The following WDR93 variants were observed in gnomAD, a reference collection of about 807,000 sequenced individuals.
WDR93 encodes WD repeat-containing protein 93.
A neutral mutation model predicts 82.9 loss-of-function variants in WDR93; 73 were observed. That is an observed-to-expected ratio of 0.88 (90% CI 0.73 to 1.07). WDR93 has a LOEUF of 1.07. WDR93 is among the 50% of genes least tolerant of loss of function. WDR93 has a pLI of 0.00. For synonymous variants in WDR93, 283 were observed against 300.1 expected (o/e 0.94, Z 0.59); for missense variants, 738 against 826.0 (o/e 0.89, Z 1.31).
intron 7 of WDR93, among the ~76,000 whole-genome samples, chr15:89,721,742 A>G (rs1966536659): frequency 6.7e-6 from 1 of 149,056 alleles, no homozygotes; most frequent in South Asian, 2.1e-4. Flanking sequence ...TTCCCACTTC[A>G]GCCTCCAGAG....
intron 7 of WDR93, 96 bp downstream of exon 7, chr15:89,717,045 CTTTTTTTT>C (rs11457156): frequency 4.7e-5 from 8 of 170,836 alleles, no homozygotes; most frequent in East Asian, 1.1e-4. Context: ...CTTTTTCTTT[CTTTTTTTT>C]TTTTTTTTTT....
Position 89,743,465 on chromosome 15 carries a change from A to G in WDR93, c.*74A>G. Reference sequence around the variant, plus strand: ...CAGCTGCTCCCAGGACACTGAGGCCAAGAGAAATGTAACAGAGCCACAGCT... The same window carrying G: ...CAGCTGCTCCCAGGACACTGAGGCCGAGAGAAATGTAACAGAGCCACAGCT... On this transcript the variant is annotated 3_prime_UTR_variant, in exon 17 of 17. Coordinates refer to ENST00000268130, the MANE Select transcript of WDR93 (RefSeq NM_020212.2). 7.0e-7 allele frequency: 1 copy of G among 1,436,436 alleles called. No individual in the cohort carries two copies. Among genetic ancestry groups the G allele is most frequent in the Non-Finnish European group, 9.7e-7 (1 of 1,028,600 alleles). The allele number at this position is 1,436,436 out of a possible 1,614,324, so 89.0% of individuals were successfully genotyped here.
chr15:89,692,089 C>A lies in WDR93; in HGVS notation c.-41+1232C>A, dbSNP rs556440934. ...GCCCACCTGCATTCCCTGCCAGGAG[C>A]CTTGTATACCATCCTGATACTCCAA... On this transcript the variant is annotated intron_variant, in intron 1 of 16. Transcript: ENST00000268130. 6.8e-4 allele frequency among the ~76,000 whole-genome samples: 103 copies of A among 152,294 alleles called. 1 individual carries two copies. The highest frequency in any genetic ancestry group is 2.3e-3 in the African/African-American group (94 of 41,564).
chr15:89,717,549 G>A (rs1224713419), intron 7 of WDR93, among the ~76,000 whole-genome samples: 1 of 152,210 alleles, frequency 6.6e-6, no homozygotes, highest in African/African-American at 2.4e-5. Context: ...GAAGTTAAGG[G>A]AGCTTAAATT....
At chr15:89,718,258 G>T (rs565091125) in intron 7 of WDR93, among the ~76,000 whole-genome samples, 1 of 149,396 alleles carries the variant, frequency 6.7e-6, no homozygotes, top group African/African-American at 2.5e-5. Context: ...GGTGGATCAC[G>T]AGGTCAGGAG....
intron 4 of WDR93, among the ~76,000 whole-genome samples, chr15:89,710,627 G>A (rs998965434): frequency 3.3e-5 from 5 of 152,002 alleles, no homozygotes; most frequent in Non-Finnish European, 5.9e-5. Flanking sequence ...TACTGGGAAT[G>A]TCCCGCAACT....
chr15:89,717,082 TTCTTGTTGC>T (rs1966298633), intron 7 of WDR93, 133 bp downstream of exon 7: 5 of 578,010 alleles, frequency 8.7e-6, no homozygotes, highest in Admixed American at 4.5e-5. Context: ...CAGAGTTTCA[TTCTTGTTGC>T]TCTTGTTGCT....
intron 1 of WDR93, among the ~76,000 whole-genome samples, chr15:89,699,595 G>C (rs1367005112): frequency 1.3e-5 from 2 of 150,210 alleles, no homozygotes; most frequent in African/African-American, 4.9e-5. Flanking sequence ...CTCTTTATTA[G>C]GCCACTTCAA....
At chr15:89,704,159 T>TA (rs1421455255) in intron 3 of WDR93, 1 of 108,960 alleles carries the variant, frequency 9.2e-6, no homozygotes, top group African/African-American at 3.5e-5. Context: ...ACCCCGTCTT[T>TA]ACGAAAAATA....
intron 7 of WDR93, chr15:89,721,063 C>G (rs1358060053): frequency 6.6e-6 from 1 of 152,216 alleles, no homozygotes; most frequent in African/African-American, 2.4e-5. Flanking sequence ...TCATTATTCA[C>G]TGACCCTTTG....
Position 89,715,798 on chromosome 15 carries a change from A to G in WDR93, c.756+703A>G, listed in dbSNP as rs1219616369. On this transcript the variant is annotated intron_variant, in intron 6 of 16. Transcript: ENST00000268130. ...ACGGGGTTTCACTGTGTTAGCCAGGATGGTCTCAATCTCCTGACCTCGTGA... is the reference window on the plus strand; with the variant it reads ...ACGGGGTTTCACTGTGTTAGCCAGGGTGGTCTCAATCTCCTGACCTCGTGA... 3.9e-5 allele frequency among the ~76,000 whole-genome samples: 6 copies of G among 152,200 alleles called. No homozygotes were observed. In the East Asian group the frequency reaches 1.2e-3, roughly 29 times the overall value.
At chr15:89,729,855 C>A in intron 11 of WDR93, 86 bp downstream of exon 11, 1 of 1,144,042 alleles carries the variant, frequency 8.7e-7, no homozygotes, top group Non-Finnish European at 1.3e-6. Context: ...ATGTGACTGA[C>A]ATACATCAAG....
At chr15:89,724,051 A>G (rs11631243) in intron 8 of WDR93, among the ~76,000 whole-genome samples, 65,062 of 151,952 alleles carry the variant, frequency 0.43, 14,474 homozygotes, top group African/African-American at 0.49. Context: ...TACCAAAAAA[A>G]AATAGCTGGG....
intron 11 of WDR93, 50 bp from the exon 12 acceptor site, chr15:89,731,393 G>T: frequency 1.9e-6 from 3 of 1,595,468 alleles, no homozygotes; most frequent in Non-Finnish European, 2.6e-6. Context: ...AGAAGTGATG[G>T]GTAGGTGCAG....
intron 7 of WDR93, among the ~76,000 whole-genome samples, chr15:89,718,997 AT>A (rs1180828001): frequency 2.6e-5 from 4 of 151,926 alleles, no homozygotes; most frequent in East Asian, 1.9e-4. Flanking sequence ...GTTTCATGGA[AT>A]TTTTTTTCTA....
chr15:89,717,255 T>A (rs1030938912), intron 7 of WDR93, among the ~76,000 whole-genome samples: 5 of 152,084 alleles, frequency 3.3e-5, no homozygotes, highest in Non-Finnish European at 7.4e-5. Context: ...GACAGGGTTT[T>A]CTCCATGTTG....
At chr15:89,701,554 C>A (rs1478357872) in intron 1 of WDR93, among the ~76,000 whole-genome samples, 153 bp from the exon 2 acceptor site, 1 of 152,164 alleles carries the variant, frequency 6.6e-6, no homozygotes, top group African/African-American at 2.4e-5. Context: ...AGAGCATATC[C>A]TAAGAATGTG....
At chr15:89,691,078 G>A (rs556220190) in intron 1 of WDR93, among the ~76,000 whole-genome samples, 1 of 152,258 alleles carries the variant, frequency 6.6e-6, no homozygotes, top group South Asian at 2.1e-4. Context: ...CTGAGCTCTT[G>A]CTTGGGACGG....
At chr15:89,742,173 C>G (rs78599324) in intron 16 of WDR93, among the ~76,000 whole-genome samples, 5,765 of 152,184 alleles carry the variant, frequency 0.038, 399 homozygotes, top group African/African-American at 0.13. Context: ...GATCACTTGA[C>G]GCCAGGAGTT....
Sources: allele counts gnomAD v4.1 joint callset (sites outside exome capture counted in the v4.1 genomes callset), GRCh38; gene constraint gnomAD v4.1.1; transcripts MANE v1.5; gene names NCBI Gene and HGNC (gene_info 2026-07-23, HGNC 2026-07-21).